PPP1R12C: variants seen among roughly 807,000 people sequenced by gnomAD.
The protein encoded by PPP1R12C is protein phosphatase 1 regulatory subunit 12C.
In PPP1R12C, 48 loss-of-function variants were observed where a neutral mutation model predicts 95.6. The observed-to-expected ratio is 0.50, with a 90% CI of 0.40 to 0.64. The LOEUF is 0.64. PPP1R12C is among the 30% of genes least tolerant of loss of function. The pLI, the probability that PPP1R12C is intolerant of heterozygous loss-of-function variation, is 0.00. For missense variants in PPP1R12C, 1,057 were observed against 1,083.3 expected (o/e 0.98, Z 0.34); for synonymous variants, 480 against 460.8 (o/e 1.04, Z -0.53).
Position 55,091,441 on chromosome 19 carries a change from A to G in PPP1R12C, c.*31T>C. 6.3e-7 allele frequency: 1 copy of G among 1,592,296 alleles called. No homozygotes were observed. Among genetic ancestry groups the G allele is most frequent in the Non-Finnish European group, 8.6e-7 (1 of 1,161,394 alleles). On this transcript the variant is annotated 3_prime_UTR_variant, in exon 22 of 22. Coordinates refer to ENST00000263433, the MANE Select transcript of PPP1R12C (RefSeq NM_017607.4). ...GGGTGCGTGTGGCAGAAGCAGCTGT[A>G]TAAATACGGGTGCGGGAAAGTCCCT...
chr19:55,097,465 C>T (rs1467077108), intron 6 of PPP1R12C, among the ~76,000 whole-genome samples: 3 of 141,600 alleles, frequency 2.1e-5, no homozygotes, highest in Non-Finnish European at 3.0e-5. Flanking sequence ...AGTTCACCAC[C>T]GTCTTCACAC....
intron 3 of PPP1R12C, among the ~76,000 whole-genome samples, chr19:55,107,978 C>T (rs2085056875): frequency 6.8e-6 from 1 of 147,274 alleles, no homozygotes; most frequent in African/African-American, 2.6e-5. Flanking sequence ...CTCTGTTGCC[C>T]AGGCTGGAGT....
At chr19:55,098,413 C>G (rs552114556) in intron 6 of PPP1R12C, among the ~76,000 whole-genome samples, 2 of 152,230 alleles carry the variant, frequency 1.3e-5, no homozygotes, top group Non-Finnish European at 2.9e-5. Flanking sequence ...CCGGGGATGG[C>G]TGGGGGACAC....
rs1163806655 is a variant in PPP1R12C at position 55,091,434 on chromosome 19, C to T, written c.*38G>A. The T allele has an allele frequency of 6.3e-7, 1 of 1,576,890 alleles. No individual in the cohort carries two copies. Among genetic ancestry groups the T allele is most frequent in the East Asian group, 2.2e-5 (1 of 44,482 alleles). ...GGGGAAGGGGTGCGTGTGGCAGAAG[C>T]AGCTGTATAAATACGGGTGCGGGAA... On this transcript the variant is annotated 3_prime_UTR_variant, in exon 22 of 22. Coordinates refer to ENST00000263433, the MANE Select transcript of PPP1R12C (RefSeq NM_017607.4).
chr19:55,092,101 C>A, intron 19 of PPP1R12C, 121 bp downstream of exon 19: 1 of 1,114,610 alleles, frequency 9.0e-7, no homozygotes, highest in Non-Finnish European at 1.3e-6. Flanking sequence ...GATCTCGGCC[C>A]CGCCCCTCAA....
rs73935107 is a variant in PPP1R12C at position 55,099,216 on chromosome 19, C to T, written c.732-121G>A. On this transcript the variant is annotated intron_variant, in intron 4 of 21. Coordinates refer to ENST00000263433, the MANE Select transcript of PPP1R12C (RefSeq NM_017607.4). ...CGAGACTGAAACGTCCCTGGACAGG[C>T]TGGTAAAGAGCCACTGCCCAGCATC... is the stretch of plus-strand genomic sequence containing the variant. The T allele has an allele frequency of 9.1e-3, 11,078 of 1,210,896 alleles. 807 individuals are homozygous for T. The African/African-American group carries it at 0.15, about 16-fold the overall frequency. 75.0% of individuals were successfully genotyped at this position (1,210,896 alleles called of 1,614,324 possible).
intron 1 of PPP1R12C, chr19:55,113,085 C>T (rs1045471215): frequency 3.6e-6 from 2 of 554,562 alleles, no homozygotes; most frequent in African/African-American, 3.8e-5. Flanking sequence ...TGCGGGAACC[C>T]CACATGGTAC....
In PPP1R12C at chr19:55,109,853, G is replaced by C. The variant is rs1568818639; in HGVS notation, c.571+2614C>G. 1.3e-5 allele frequency among the ~76,000 whole-genome samples: 2 copies of C among 152,124 alleles called. No individual in the cohort carries two copies. The highest frequency in any genetic ancestry group is 4.8e-5 in the African/African-American group (2 of 41,454). Reference sequence around the variant, plus strand: ...CTCTGAGGCTCCTGTGTGGAGCCGGGTGTCACAGGGTGTCACAGGCAGTCG... The same window carrying C: ...CTCTGAGGCTCCTGTGTGGAGCCGGCTGTCACAGGGTGTCACAGGCAGTCG... On this transcript the variant is annotated intron_variant, in intron 3 of 21. Transcript: ENST00000263433. This position sits in a 1 kb window ranked among gnomAD's most constrained non-coding sequence, Gnocchi z 4.4.
chr19:55,091,936 G>A (rs974881932), intron 19 of PPP1R12C, 27 bp from the exon 20 acceptor site: 42 of 1,612,434 alleles, frequency 2.6e-5, no homozygotes, highest in Non-Finnish European at 3.2e-5. Context: ...AAGCACAGGG[G>A]TCAGCAGAAG....
chr19:55,092,689 T>C (rs560344463), intron 16 of PPP1R12C, 27 bp from the exon 17 acceptor site: 1 of 1,523,202 alleles, frequency 6.6e-7, no homozygotes, highest in South Asian at 1.3e-5. Context: ...GGGGGTTCAA[T>C]GGGTATGGGA....
In PPP1R12C at chr19:55,098,965, A is replaced by T. The variant is rs1261757632; in HGVS notation, c.862T>A (p.Ser288Thr). 6.4e-7 allele frequency: 1 copy of T among 1,573,876 alleles called. No homozygotes were observed. Among genetic ancestry groups the T allele is most frequent in the Non-Finnish European group, 8.6e-7 (1 of 1,159,292 alleles). Residue 288 changes from serine (S) to threonine (T), a missense_variant, in exon 5 of 22, where the codon TCA becomes ACA. Around this residue, in one of 5 missense-constraint regions of PPP1R12C, gnomAD observed 282 missense variants for 380.4 expected, o/e 0.74. Coordinates refer to ENST00000263433, the MANE Select transcript of PPP1R12C (RefSeq NM_017607.4). Reference protein sequence around the residue: ...LLAEHGGGMDSLTHAGQRPCD... With the variant: ...LLAEHGGGMDTLTHAGQRPCD... Reference sequence around the variant, plus strand: ...CTGGCCCTCACCGCATGGGTCAGTGAGTCCATGCCCCCGCCATGCTCGGCC... The same window carrying T: ...CTGGCCCTCACCGCATGGGTCAGTGTGTCCATGCCCCCGCCATGCTCGGCC...
chr19:55,093,118 G>A (rs747787461), intron 14 of PPP1R12C, 35 bp downstream of exon 14: 7 of 1,612,868 alleles, frequency 4.3e-6, no homozygotes, highest in Non-Finnish European at 4.2e-6. Flanking sequence ...AGGACATCCC[G>A]CACCACCCCA....
chr19:55,100,457 G>A (rs1602987812), intron 4 of PPP1R12C, among the ~76,000 whole-genome samples: 2 of 152,266 alleles, frequency 1.3e-5, no homozygotes, highest in Admixed American at 6.5e-5. Flanking sequence ...ACGAGGCTAT[G>A]AGCCGCACAC....
chr19:55,104,199 TAC>T lies in PPP1R12C; in HGVS notation c.572-633_572-632del, dbSNP rs1555850741. On this transcript the variant is annotated intron_variant, in intron 3 of 21. Coordinates refer to ENST00000263433, the MANE Select transcript of PPP1R12C (RefSeq NM_017607.4). ...AAAAAAGTATATATATATATATATA[TAC>T]ACACACACACACATACAAAAATATA... Among the ~76,000 whole-genome samples, 9 of 120,038 alleles carry T rather than the reference TAC, an allele frequency of 7.5e-5. No homozygotes were observed. In the East Asian group the frequency reaches 1.2e-3, roughly 15 times the overall value. The allele number at this position is 120,038 out of a possible 152,430, so 78.7% of individuals were successfully genotyped here.
intron 4 of PPP1R12C, among the ~76,000 whole-genome samples, chr19:55,100,027 C>T (rs1169270946): frequency 3.3e-5 from 5 of 152,186 alleles, no homozygotes; most frequent in Admixed American, 1.3e-4. Flanking sequence ...ACGCTTTGCC[C>T]GGAGCTCACC....
rs1233105415 is a variant in PPP1R12C at position 55,117,521 on chromosome 19, G to A, written c.23C>T (p.Ala8Val). ...CGCCGCCGCCGCCCCCGGGCCAGCC[G>A]CCGGGCCATCCTCTCCGGACATCGC... Reference protein sequence around the residue: MSGEDGPAAGPGAAAAAA... With the variant: MSGEDGPVAGPGAAAAAA... The change falls in exon 1 of 22, where the codon GCG becomes GTG. Residue 8 changes from alanine to valine, a missense_variant. By Grantham distance (64) the Ala-to-Val change is moderately conservative (BLOSUM62 0). Coordinates refer to ENST00000263433, the MANE Select transcript of PPP1R12C (RefSeq NM_017607.4). 2 of 1,025,176 alleles carry A rather than the reference G, an allele frequency of 2.0e-6. No homozygotes were observed. The highest frequency in any genetic ancestry group is 1.2e-6 in the Non-Finnish European group (1 of 856,392). The allele number at this position is 1,025,176 out of a possible 1,614,324, so 63.5% of individuals were successfully genotyped here.
At chr19:55,097,552 CCACGCAG>C (rs2084934293) in intron 6 of PPP1R12C, among the ~76,000 whole-genome samples, 6 of 16,998 alleles carry the variant, frequency 3.5e-4, no homozygotes, top group East Asian at 0.014. Context: ...CGCCCCTTCC[CCACGCAG>C]TTCACCACCG....
intron 3 of PPP1R12C, among the ~76,000 whole-genome samples, chr19:55,107,376 T>C (rs891209732): frequency 1.8e-4 from 28 of 152,218 alleles, no homozygotes; most frequent in African/African-American, 6.7e-4. Context: ...ACCATGCCAC[T>C]GCACTCCAGC....
rs2532060 is a variant in PPP1R12C, at chr19:55,103,555, T to C, written c.585A>G (p.Glu195=). The C allele has an allele frequency of 0.47, 741,333 of 1,581,294 alleles. 186,064 individuals carry two copies. Among genetic ancestry groups the C allele is most frequent in the African/African-American group, 0.87 (64,156 of 73,936 alleles). The stretch of plus-strand genomic sequence containing the variant: ...ATTCCTCTTCTGCCCGCTTGGCTGC[T>C]TCCACATCCACACCTAGGAGGATAA... ...AEIARRGVDV[E]AAKRAEEELL... Residue 195 remains glutamate, a synonymous_variant, in exon 4 of 22, where the codon GAA becomes GAG. Transcript: ENST00000263433.
Sources: allele counts gnomAD v4.1 joint callset (sites outside exome capture counted in the v4.1 genomes callset), GRCh38; gene constraint gnomAD v4.1.1; regional missense constraint gnomAD v4.1.1; non-coding constraint Gnocchi (gnomAD v3.1); transcripts MANE v1.5; gene names NCBI Gene and HGNC (gene_info 2026-07-23, HGNC 2026-07-21).